CXADR: variants seen among roughly 807,000 people sequenced by gnomAD.
The protein encoded by CXADR is coxsackievirus and adenovirus receptor.
A neutral mutation model predicts 40.3 loss-of-function variants in CXADR; 20 were observed. The ratio of observed to expected loss-of-function variants is 0.50; its 90% CI spans 0.35 to 0.72. The LOEUF (loss-of-function observed/expected upper bound fraction) is 0.72, where lower values mean the gene tolerates loss of function less well. Among genes scored for constraint, CXADR ranks in the 30% least tolerant of loss-of-function variants. The pLI, the probability that CXADR is intolerant of heterozygous loss-of-function variation, is 0.01. For synonymous variants in CXADR, 150 were observed against 161.3 expected (o/e 0.93, Z 0.53); for missense variants, 332 against 449.1 (o/e 0.74, Z 2.36).
chr21:17,556,747 G>C (rs2061041084), intron 3 of CXADR, among the ~76,000 whole-genome samples: 1 of 152,176 alleles, frequency 6.6e-6, no homozygotes, highest in Non-Finnish European at 1.5e-5. Context: ...AAAATCAACA[G>C]TGCAGTTAAA....
intron 7 of CXADR, among the ~76,000 whole-genome samples, chr21:17,591,160 T>C (rs1169927740): frequency 6.6e-6 from 1 of 152,022 alleles, no homozygotes; most frequent in African/African-American, 2.4e-5. Flanking sequence ...TACCATGGCA[T>C]GGGCCTTAAA....
chr21:17,558,982 C>T lies in CXADR; in HGVS notation c.422C>T (p.Pro141Leu). The stretch of plus-strand genomic sequence containing the variant: ...AATTTGTTTTCTCTTTCAGTTAAGC[C>T]TTCAGGTGCGAGATGTTACGTTGAT... ...KKIHLVVLVK[P>L]SGARCYVDGS... The change falls in exon 4 of 7, where the codon CCT becomes CTT. Residue 141 changes from proline to leucine, a missense_variant. By Grantham distance (98) the Pro-to-Leu change is moderately conservative. This residue lies in a region of CXADR where 162 missense variants were observed against 198.5 expected (regional missense o/e 0.82). Transcript: ENST00000284878. 6.2e-7 allele frequency: 1 copy of T among 1,609,082 alleles called. No individual in the cohort carries two copies. Among genetic ancestry groups the T allele is most frequent in the Non-Finnish European group, 8.5e-7 (1 of 1,178,160 alleles).
intron 1 of CXADR, among the ~76,000 whole-genome samples, chr21:17,546,256 C>T (rs561309476): frequency 1.2e-4 from 18 of 152,296 alleles, no homozygotes; most frequent in African/African-American, 4.1e-4. Context: ...AGCATATACC[C>T]TACCGACAGT....
downstream of CXADR, among the ~76,000 whole-genome samples, chr21:17,572,040 T>C (rs566415455): frequency 6.6e-6 from 1 of 152,202 alleles, no homozygotes; most frequent in Admixed American, 6.6e-5. Context: ...TCATATACTC[T>C]GCAAGCCACC....
intron 3 of CXADR, among the ~76,000 whole-genome samples, chr21:17,556,156 G>C (rs921017813): frequency 6.6e-6 from 1 of 152,234 alleles, no homozygotes; most frequent in Non-Finnish European, 1.5e-5. Context: ...GGGAAGTCCA[G>C]ACCAAAGAAA....
At chr21:17,579,432 A>ACC (rs2061344943) in intron 7 of CXADR, among the ~76,000 whole-genome samples, 1 of 151,818 alleles carries the variant, frequency 6.6e-6, no homozygotes, top group East Asian at 1.9e-4. Context: ...CTACAGGTGC[A>ACC]TGCCACCACA....
Position 17,551,861 on chromosome 21 carries a change from C to T in CXADR, c.323C>T (p.Thr108Met), listed in dbSNP as rs368675196. 1.2e-5 allele frequency: 19 copies of T among 1,613,774 alleles called. 1 individual carries two copies. The highest frequency in any genetic ancestry group is 8.0e-5 in the African/African-American group (6 of 74,972). ...LKSGDASINV[T>M]NLQLSDIGTY... ...TCTGGTGATGCATCAATAAATGTAA[C>T]GAATTTACAACTGTCAGATATTGGC... The change falls in exon 3 of 7, where the codon ACG (threonine) becomes ATG (methionine). Residue 108 changes from threonine to methionine, a missense_variant. Physicochemically the swap from Thr to Met is moderately conservative, Grantham distance 81. Around this residue, in one of 3 missense-constraint regions of CXADR, gnomAD observed 162 missense variants for 198.5 expected, o/e 0.82. Coordinates refer to ENST00000284878, the MANE Select transcript of CXADR (RefSeq NM_001338.5).
downstream of CXADR, among the ~76,000 whole-genome samples, chr21:17,570,315 A>G (rs1455728227): frequency 1.3e-5 from 2 of 152,202 alleles, no homozygotes; most frequent in Non-Finnish European, 2.9e-5. Context: ...TGCTTATATA[A>G]CAGTATATAC....
At chr21:17,612,162 C>T in the CXADR span, 4 of 152,386 alleles carry the variant, frequency 2.6e-5, no homozygotes, top group Non-Finnish European at 2.9e-5. Context: ...CTTCTGCAAT[C>T]CCGGTTTTCC....
At chr21:17,513,642 AATGGAC>A (rs1269807051) in intron 1 of CXADR, among the ~76,000 whole-genome samples, 6 of 152,138 alleles carry the variant, frequency 3.9e-5, no homozygotes, top group Non-Finnish European at 8.8e-5. Context: ...GCCATTATTC[AATGGAC>A]ATGGAGCTGC....
At chr21:17,620,095 A>T in the CXADR span, among the ~76,000 whole-genome samples, 1 of 152,234 alleles carries the variant, frequency 6.6e-6, no homozygotes, top group Non-Finnish European at 1.5e-5. Flanking sequence ...ATTTCCTTCA[A>T]GAACTTTTCT....
At chr21:17,545,089 T>TC (rs2060879083) in intron 1 of CXADR, among the ~76,000 whole-genome samples, 2 of 146,246 alleles carry the variant, frequency 1.4e-5, no homozygotes, top group African/African-American at 5.0e-5. Flanking sequence ...TTTTTTTTTT[T>TC]TTTTTTTTGG....
chr21:17,529,781 A>G (rs1360911605), intron 1 of CXADR, among the ~76,000 whole-genome samples: 3 of 152,172 alleles, frequency 2.0e-5, no homozygotes, highest in Non-Finnish European at 4.4e-5. Context: ...AGACTACCAC[A>G]CAGTTTAGAC....
the CXADR span, among the ~76,000 whole-genome samples, chr21:17,602,640 C>G: frequency 5.3e-5 from 8 of 152,228 alleles, no homozygotes; most frequent in African/African-American, 1.7e-4. Context: ...AAAAAAATCA[C>G]ATCAGAGCCA....
At position 17,565,713 on chromosome 21, in the gene CXADR, G is replaced by C; in HGVS notation, c.*21G>C. 1 of 1,601,434 alleles carries C rather than the reference G, an allele frequency of 6.2e-7. No homozygotes were observed. The highest frequency in any genetic ancestry group is 8.5e-7 in the Non-Finnish European group (1 of 1,173,164). ...TATAGAGCCTCCATATGTCTCATCT[G>C]TGCTCTCCGTGTTCCTTTCCTTTTT... is the stretch of plus-strand genomic sequence containing the variant. On this transcript the variant is annotated 3_prime_UTR_variant, in exon 7 of 7. Transcript: ENST00000284878.
At chr21:17,561,049 T>A (rs772725079) in intron 5 of CXADR, among the ~76,000 whole-genome samples, 1 of 152,240 alleles carries the variant, frequency 6.6e-6, no homozygotes, top group Non-Finnish European at 1.5e-5. Flanking sequence ...CCTTGTACCA[T>A]ATTTAGCTGT....
At chr21:17,562,694 T>A (rs1050669903) in intron 6 of CXADR, among the ~76,000 whole-genome samples, 1 of 152,260 alleles carries the variant, frequency 6.6e-6, no homozygotes, top group Non-Finnish European at 1.5e-5. Context: ...TGTTACTTAG[T>A]GTAGTTACCT....
At chr21:17,610,524 T>C in the CXADR span, among the ~76,000 whole-genome samples, 4 of 152,234 alleles carry the variant, frequency 2.6e-5, no homozygotes, top group Admixed American at 2.6e-4. Flanking sequence ...GAGATTTAGC[T>C]ACATTTTGGA....
downstream of CXADR, chr21:17,594,267 C>T: frequency 6.2e-7 from 1 of 1,613,226 alleles, no homozygotes. Flanking sequence ...TCCCTCGATA[C>T]ATTCCTGGCT....
Sources: allele counts gnomAD v4.1 joint callset (sites outside exome capture counted in the v4.1 genomes callset), GRCh38; gene constraint gnomAD v4.1.1; regional missense constraint gnomAD v4.1.1; transcripts MANE v1.5; gene names NCBI Gene and HGNC (gene_info 2026-07-23, HGNC 2026-07-21).